Variants in TRMT11 observed in about 807,000 individuals in gnomAD.
TRMT11 encodes tRNA methyltransferase 11.
Under a neutral mutation model 62.8 loss-of-function variants are expected in TRMT11, and 53 were observed. The observed-to-expected ratio is 0.84, with a 90% CI of 0.68 to 1.06. The LOEUF (loss-of-function observed/expected upper bound fraction) is 1.06, where lower values mean the gene tolerates loss of function less well. Among genes scored for constraint, TRMT11 ranks in the 50% least tolerant of loss-of-function variants. The probability of loss-of-function intolerance (pLI) is 0.00; values close to 1 mark genes in which losing one functional copy is unlikely to be tolerated. For synonymous variants in TRMT11, 188 were observed against 190.3 expected, an observed-to-expected ratio of 0.99 and a Z score of 0.10; for missense variants, 556 against 553.4, an observed-to-expected ratio of 1.00 and a Z score of -0.05.
chr6:126,217,686 G>A, the TRMT11 span, among the ~76,000 whole-genome samples: 2 of 152,174 alleles, frequency 1.3e-5, no homozygotes, highest in African/African-American at 4.8e-5. Context: ...TGTGCTGGGT[G>A]TGACCTGAAA....
chr6:126,251,443 C>T, the TRMT11 span, among the ~76,000 whole-genome samples: 3 of 152,020 alleles, frequency 2.0e-5, no homozygotes, highest in Non-Finnish European at 4.4e-5. Flanking sequence ...TAATATACTC[C>T]TTATGTCATA....
chr6:126,227,621 C>A, the TRMT11 span, among the ~76,000 whole-genome samples: 172 of 152,338 alleles, frequency 1.1e-3, 1 homozygote, highest in Middle Eastern at 0.01. Flanking sequence ...AAATTCCCTT[C>A]AAGCCTCTGA....
chr6:126,249,853 T>C, the TRMT11 span, among the ~76,000 whole-genome samples: 1 of 152,116 alleles, frequency 6.6e-6, no homozygotes, highest in Non-Finnish European at 1.5e-5. Flanking sequence ...TAACTGATTA[T>C]CAGAAATTAG....
At chr6:126,237,079 G>C in the TRMT11 span, among the ~76,000 whole-genome samples, 1 of 152,066 alleles carries the variant, frequency 6.6e-6, no homozygotes, top group Non-Finnish European at 1.5e-5. Flanking sequence ...GAGAGAGAGA[G>C]AGAGAGAGAG....
rs562210952 is a variant in TRMT11 at position 125,988,246 on chromosome 6, C to T, written c.72+1624C>T. Among the ~76,000 whole-genome samples, 16 of 152,144 alleles carry T rather than the reference C, an allele frequency of 1.1e-4. 1 individual carries two copies. In the South Asian group the frequency reaches 1.9e-3, roughly 18 times the overall value. On this transcript the variant is annotated intron_variant, in intron 1 of 12. Transcript: ENST00000334379. Reference sequence around the variant, plus strand: ...AATTAATTGGTGATTTTTGCTAAAGCGAATATGTTGAGTTTTAGTAGGAGA... The same window carrying T: ...AATTAATTGGTGATTTTTGCTAAAGTGAATATGTTGAGTTTTAGTAGGAGA...
chr6:126,198,985 G>A (rs1197286081), intron 2 of TRMT11: 1 of 152,192 alleles, frequency 6.6e-6, no homozygotes, highest in Non-Finnish European at 1.5e-5. Context: ...TGTTTGAAAG[G>A]TTTGTTTTGG....
At chr6:126,031,332 G>C (rs1774152241) in intron 12 of TRMT11, among the ~76,000 whole-genome samples, 1 of 152,158 alleles carries the variant, frequency 6.6e-6, no homozygotes, top group Non-Finnish European at 1.5e-5. Context: ...GAAGGCCATA[G>C]TTTTCATCAC....
chr6:126,165,160 C>A (rs1015377652), intron 21 of TRMT11, among the ~76,000 whole-genome samples: 1 of 151,940 alleles, frequency 6.6e-6, no homozygotes, highest in African/African-American at 2.4e-5. Context: ...TGCCTATAAT[C>A]CCAGCTACTC....
chr6:126,241,686 A>G, the TRMT11 span, among the ~76,000 whole-genome samples: 17 of 152,354 alleles, frequency 1.1e-4, no homozygotes, highest in African/African-American at 3.8e-4. Context: ...AGAACTAATG[A>G]CAAAAACCAC....
At chr6:126,241,422 G>A in the TRMT11 span, among the ~76,000 whole-genome samples, 6 of 152,224 alleles carry the variant, frequency 3.9e-5, no homozygotes, top group East Asian at 9.7e-4. Context: ...GAAAAAGAGG[G>A]AATTCTCCCT....
At chr6:126,117,376 T>C (rs916318440) in intron 21 of TRMT11, among the ~76,000 whole-genome samples, 2 of 152,114 alleles carry the variant, frequency 1.3e-5, no homozygotes, top group Non-Finnish European at 2.9e-5. Context: ...TGAATCTTTT[T>C]CTTTGTAGGA....
At chr6:126,216,983 T>G in the TRMT11 span, among the ~76,000 whole-genome samples, 5 of 152,224 alleles carry the variant, frequency 3.3e-5, no homozygotes, top group Non-Finnish European at 7.4e-5. Flanking sequence ...CTATCAAGCT[T>G]ACTAATTCTC....
chr6:126,139,282 A>C (rs1054848361), intron 21 of TRMT11, among the ~76,000 whole-genome samples: 3 of 152,192 alleles, frequency 2.0e-5, no homozygotes, highest in Admixed American at 2.0e-4. Context: ...ATTACCATGA[A>C]TCTTGATCCT....
intron 21 of TRMT11, among the ~76,000 whole-genome samples, chr6:126,163,235 C>T (rs1335691798): frequency 6.6e-6 from 1 of 152,128 alleles, no homozygotes; most frequent in Non-Finnish European, 1.5e-5. Context: ...TACTTTCCAT[C>T]AATACCTTGT....
intron 17 of TRMT11, among the ~76,000 whole-genome samples, chr6:126,107,035 G>T (rs1169387646): frequency 1.3e-5 from 2 of 151,690 alleles, no homozygotes; most frequent in Non-Finnish European, 2.9e-5. Flanking sequence ...AGCTTTTCAG[G>T]ATATATTTTG....
At chr6:126,035,456 A>G (rs752476472) in intron 12 of TRMT11, among the ~76,000 whole-genome samples, 1 of 152,124 alleles carries the variant, frequency 6.6e-6, no homozygotes, top group Non-Finnish European at 1.5e-5. Context: ...TTGGTCTTCT[A>G]GAAAGGGGAC....
Position 126,008,444 on chromosome 6 carries a change from CAT to C in TRMT11, c.734_735del (p.Ile245ArgfsTer13). The C allele has an allele frequency of 6.2e-7, 1 of 1,613,032 alleles. No individual in the cohort carries two copies. The highest frequency in any genetic ancestry group is 1.3e-5 in the African/African-American group (1 of 74,962). ...TTGGTGCATATGTGTATGGGACAGACATAGACTACAACACAGTTCATGGCTTG... is the reference window on the plus strand; with the variant it reads ...TTGGTGCATATGTGTATGGGACAGACAGACTACAACACAGTTCATGGCTTG... ...HFGAYVYGTD[I>X]DYNTVHGLGK... On this transcript the variant is annotated frameshift_variant, in exon 8 of 13. Transcript: ENST00000334379. LOFTEE classifies it high-confidence loss of function.
downstream of TRMT11, among the ~76,000 whole-genome samples, chr6:126,044,131 T>C (rs1406880626): frequency 2.0e-5 from 3 of 152,000 alleles, no homozygotes; most frequent in South Asian, 2.1e-4. Flanking sequence ...TCCTTGCCCA[T>C]GCCTATGTCC....
At chr6:126,241,616 C>T in the TRMT11 span, among the ~76,000 whole-genome samples, 3 of 152,136 alleles carry the variant, frequency 2.0e-5, no homozygotes, top group Non-Finnish European at 4.4e-5. Flanking sequence ...GGGCTTCATC[C>T]CTGGGATGCG....
Sources: gnomAD v4.1 joint callset for allele counts (sites outside exome capture counted in the v4.1 genomes callset) on GRCh38, gnomAD v4.1.1 for gene constraint, MANE v1.5 for transcripts, NCBI Gene and HGNC (gene_info 2026-07-23, HGNC 2026-07-21) for gene names.